The following SOX5 variants were observed in gnomAD, a reference collection of about 807,000 sequenced individuals.
SOX5 encodes the protein transcription factor SOX-5.
In SOX5, 9 loss-of-function variants were observed where a neutral mutation model predicts 92.0. The ratio of observed to expected loss-of-function variants is 0.10; its 90% CI spans 0.06 to 0.17. The LOEUF is 0.17. SOX5 is among the 10% of genes least tolerant of loss of function. SOX5 has a pLI of 1.00. For missense variants in SOX5, 642 were observed against 944.5 expected (o/e 0.68, Z 4.20); for synonymous variants, 344 against 336.3 (o/e 1.02, Z -0.25).
intron 9 of SOX5, among the ~76,000 whole-genome samples, chr12:23,601,140 C>T (rs1280759599): frequency 6.6e-6 from 1 of 152,150 alleles, no homozygotes; most frequent in African/African-American, 2.4e-5. Flanking sequence ...CCCCAAGCCA[C>T]CAACTGGCAC....
Position 24,024,637 on chromosome 12 carries a change from G to A in SOX5, c.-1-128613C>T, listed in dbSNP as rs551283211. Among the ~76,000 whole-genome samples, 8 of 152,080 alleles carry A rather than the reference G, an allele frequency of 5.3e-5. No individual in the cohort carries two copies. The East Asian group carries it at 9.7e-4, about 18-fold the overall frequency. On this transcript the variant is annotated intron_variant, in intron 4 of 4. Coordinates refer to the SOX5 transcript ENST00000446891. The stretch of plus-strand genomic sequence containing the variant: ...ACATTTCAGACATTTCTAAATATGT[G>A]TAATAATTTTCAAACACTAATTCCA...
chr12:23,702,569 C>T (rs899236830), intron 6 of SOX5, among the ~76,000 whole-genome samples: 3 of 152,016 alleles, frequency 2.0e-5, no homozygotes, highest in African/African-American at 7.2e-5. Flanking sequence ...AGTTCAAGCA[C>T]AGTCTCTGGC....
At chr12:24,392,147 C>T (rs888601537) in intron 1 of SOX5, among the ~76,000 whole-genome samples, 3 of 152,188 alleles carry the variant, frequency 2.0e-5, no homozygotes, top group Admixed American at 2.0e-4. Flanking sequence ...CACAACTCCA[C>T]TGCTGTCACT....
intron 4 of SOX5, among the ~76,000 whole-genome samples, chr12:24,150,615 C>T (rs960815711): frequency 6.6e-6 from 1 of 151,598 alleles, no homozygotes. Flanking sequence ...TTAAGGCAAG[C>T]GCAAAGGAAG....
intron 3 of SOX5, among the ~76,000 whole-genome samples, chr12:23,808,062 T>C (rs962587112): frequency 6.6e-6 from 1 of 152,124 alleles, no homozygotes; most frequent in Non-Finnish European, 1.5e-5. Context: ...TACCAGAATA[T>C]GTGCAGAATA....
At chr12:23,917,711 T>C (rs941241198) in intron 1 of SOX5, among the ~76,000 whole-genome samples, 3 of 152,188 alleles carry the variant, frequency 2.0e-5, no homozygotes, top group Non-Finnish European at 4.4e-5. Context: ...GATTCATGGA[T>C]ACCTCCAAAA....
chr12:24,278,147 C>A (rs1212703620), intron 2 of SOX5, among the ~76,000 whole-genome samples: 1 of 152,170 alleles, frequency 6.6e-6, no homozygotes, highest in Non-Finnish European at 1.5e-5. Context: ...ATTGAGTAAT[C>A]TCTTGGGTGT....
At chr12:24,204,184 T>A (rs1160230669) in intron 4 of SOX5, among the ~76,000 whole-genome samples, 1 of 152,132 alleles carries the variant, frequency 6.6e-6, no homozygotes, top group Non-Finnish European at 1.5e-5. Context: ...CCATTCCAGA[T>A]GATGTTCTTC....
intron 12 of SOX5, among the ~76,000 whole-genome samples, chr12:23,546,062 C>T (rs1390965421): frequency 6.6e-6 from 1 of 152,040 alleles, no homozygotes; most frequent in Admixed American, 6.6e-5. Context: ...GGGGAAAATG[C>T]TTCAAAACTC....
intron 1 of SOX5, among the ~76,000 whole-genome samples, chr12:24,486,319 G>T (rs1475589083): frequency 1.3e-5 from 2 of 152,138 alleles, no homozygotes; most frequent in African/African-American, 4.8e-5. Context: ...GCCACTACCC[G>T]AAGTGTGAGT....
intron 6 of SOX5, among the ~76,000 whole-genome samples, chr12:23,687,161 A>C (rs893793136): frequency 2.0e-5 from 3 of 152,080 alleles, no homozygotes; most frequent in Admixed American, 6.6e-5. Context: ...AATACCACTT[A>C]ACATCAAAAA....
intron 3 of SOX5, among the ~76,000 whole-genome samples, chr12:24,271,270 G>T (rs1386922963): frequency 1.3e-5 from 2 of 152,164 alleles, no homozygotes; most frequent in African/African-American, 4.8e-5. Flanking sequence ...CTACTACTGA[G>T]ACTAAGGATT....
At chr12:24,042,176 A>C (rs1956589176) in intron 4 of SOX5, among the ~76,000 whole-genome samples, 1 of 152,134 alleles carries the variant, frequency 6.6e-6, no homozygotes, top group Admixed American at 6.5e-5. Context: ...TTTTATTATA[A>C]AAATAAAGGA....
chr12:24,078,036 A>T (rs993842887), intron 4 of SOX5, among the ~76,000 whole-genome samples: 1 of 151,688 alleles, frequency 6.6e-6, no homozygotes, highest in Non-Finnish European at 1.5e-5. Context: ...TTTAAAAAGC[A>T]TAACTTTTAC....
At chr12:24,473,301 G>A (rs1175163573) in intron 1 of SOX5, among the ~76,000 whole-genome samples, 2 of 152,174 alleles carry the variant, frequency 1.3e-5, no homozygotes, top group Non-Finnish European at 2.9e-5. Flanking sequence ...ATTTCATGGT[G>A]AGATGCCCAA....
intron 3 of SOX5, among the ~76,000 whole-genome samples, chr12:24,266,946 T>C (rs1312593272): frequency 6.6e-6 from 1 of 152,204 alleles, no homozygotes; most frequent in African/African-American, 2.4e-5. Context: ...ACCAACACTG[T>C]CTCTTAGTAT....
chr12:24,494,504 T>C (rs944170957), intron 1 of SOX5, among the ~76,000 whole-genome samples: 2 of 152,192 alleles, frequency 1.3e-5, no homozygotes, highest in Admixed American at 1.3e-4. Flanking sequence ...TGGCAAAAAC[T>C]AAGATATGGA....
intron 3 of SOX5, among the ~76,000 whole-genome samples, chr12:24,218,533 G>A (rs1353607091): frequency 1.3e-5 from 2 of 151,940 alleles, no homozygotes; most frequent in Admixed American, 6.5e-5. Flanking sequence ...TTTGTCAGAT[G>A]GAAATATTTT....
intron 10 of SOX5, among the ~76,000 whole-genome samples, chr12:23,564,532 C>T (rs1946747930): frequency 6.6e-6 from 1 of 152,136 alleles, no homozygotes; most frequent in Non-Finnish European, 1.5e-5. Context: ...GCACTAATCA[C>T]ACATAAAATG....
Sources: gnomAD v4.1 joint callset for allele counts (sites outside exome capture counted in the v4.1 genomes callset) on GRCh38, gnomAD v4.1.1 for gene constraint, MANE v1.5 for transcripts, NCBI Gene and HGNC (gene_info 2026-07-23, HGNC 2026-07-21) for gene names.